Variants in NOBOX observed in about 807,000 individuals in gnomAD.
NOBOX encodes the protein homeobox protein NOBOX.
In NOBOX, 46 loss-of-function variants were observed where a neutral mutation model predicts 60.2. That is an observed-to-expected ratio of 0.76 (90% CI 0.60 to 0.98). NOBOX has a LOEUF of 0.98. Ranked by LOEUF, NOBOX falls within the 50% of genes least tolerant of loss-of-function variation. The pLI, the probability that NOBOX is intolerant of heterozygous loss-of-function variation, is 0.00. For synonymous variants in NOBOX, 360 were observed against 346.3 expected, an observed-to-expected ratio of 1.04 and a Z score of -0.44; for missense variants, 880 against 865.5, an observed-to-expected ratio of 1.02 and a Z score of -0.21.
At chr7:144,406,822 G>A (rs1208173) in intron 1 of NOBOX, among the ~76,000 whole-genome samples, 1 of 151,904 alleles carries the variant, frequency 6.6e-6, no homozygotes, top group Admixed American at 6.5e-5. Flanking sequence ...GTTAAAATAC[G>A]GGCTAGAGCA....
At chr7:144,400,436 C>G in intron 4 of NOBOX, 124 bp from the exon 3 acceptor site, 1 of 809,824 alleles carries the variant, frequency 1.2e-6, no homozygotes, top group Non-Finnish European at 2.0e-6. Flanking sequence ...AACACTTTCC[C>G]AAAGCCTTTT....
intron 2 of NOBOX, 54 bp downstream of exon 1, chr7:144,403,603 C>CT: frequency 1.5e-6 from 1 of 684,376 alleles, no homozygotes; most frequent in South Asian, 1.5e-5. Flanking sequence ...GCCTCCCCCC[C>CT]TCCCCGAACC....
intron 2 of NOBOX, among the ~76,000 whole-genome samples, chr7:144,404,043 C>T (rs2053965479): frequency 6.6e-6 from 1 of 152,102 alleles, no homozygotes; most frequent in Admixed American, 6.5e-5. Context: ...ACCCGGTGGT[C>T]TTCGGGGGGC....
At position 144,401,897 on chromosome 7, in the gene NOBOX, C is replaced by G. The variant is rs1176663365; in HGVS notation, c.264G>C (p.Leu88=). 6.2e-7 allele frequency: 1 copy of G among 1,612,496 alleles called. No homozygotes were observed. Among genetic ancestry groups the G allele is most frequent in the Non-Finnish European group, 8.5e-7 (1 of 1,178,730 alleles). Residue 88 remains leucine (L), a synonymous_variant, in exon 3 of 10, where the codon CTG becomes CTC. Transcript: ENST00000467773. This position sits in a 1 kb window ranked among gnomAD's most constrained non-coding sequence, Gnocchi z 4.2. The stretch of plus-strand genomic sequence containing the variant: ...TTGTGAGTTCCCTTTTCCCAGACAC[C>G]AGGGGTATGAGTTTGAGGGACTGTT...
chr7:144,403,802 G>A (rs1231612654), intron 2 of NOBOX, 109 bp from the exon 1 acceptor site: 20 of 455,228 alleles, frequency 4.4e-5, no homozygotes, highest in African/African-American at 3.4e-4. Context: ...CGGGCCGGGG[G>A]AGCCGTAGCC....
At chr7:144,399,275 C>T in intron 7 of NOBOX, 97 bp from the exon 6 acceptor site, 1 of 953,232 alleles carries the variant, frequency 1.0e-6, no homozygotes. Flanking sequence ...CCAGGTCCCC[C>T]TGAATAGGCC....
chr7:144,397,260 T>G lies in NOBOX; in HGVS notation c.2056A>C (p.Lys686Gln), dbSNP rs976730484. 9.8e-6 allele frequency: 15 copies of G among 1,533,206 alleles called. No individual in the cohort carries two copies. The African/African-American group carries it at 2.1e-4, about 21-fold the overall frequency. 95.0% of individuals were successfully genotyped at this position (1,533,206 alleles called of 1,614,324 possible). A position where few individuals can be genotyped will look rare whatever the true frequency, so the allele number is the denominator to read the frequency against. Residue 686 changes from lysine (K) to glutamine (Q), a missense_variant, in exon 10 of 10, where the codon AAG becomes CAG. Transcript: ENST00000467773. ...CCCAACTAGGGGACATGGCTATTCT[T>G]GTCATCCCCTCTGGCCTCCTCCAGT...
chr7:144,409,833 T>C (rs1379510356), intron 1 of NOBOX, among the ~76,000 whole-genome samples: 1 of 152,152 alleles, frequency 6.6e-6, no homozygotes, highest in African/African-American at 2.4e-5. Flanking sequence ...GGCTGGCAAG[T>C]GGATAGCTAA....
rs908525914 is a variant in NOBOX at position 144,397,280 on chromosome 7, T to A, written c.2036A>T (p.Glu679Val). 1 of 1,537,132 alleles carries A rather than the reference T, an allele frequency of 6.5e-7. No homozygotes were observed. Among genetic ancestry groups the A allele is most frequent in the African/African-American group, 1.4e-5 (1 of 73,168 alleles). The change falls in exon 10 of 10, where the codon GAG becomes GTG. Residue 679 changes from glutamate to valine, a missense_variant. Transcript: ENST00000467773. ...ATTCTTGTCATCCCCTCTGGCCTCC[T>A]CCAGTGCTGAGGGCTGATCCAGGGA...
At chr7:144,407,158 A>T (rs369611576) in intron 1 of NOBOX, among the ~76,000 whole-genome samples, 1 of 150,170 alleles carries the variant, frequency 6.7e-6, no homozygotes, top group Non-Finnish European at 1.5e-5. Flanking sequence ...TAAAAAAAAA[A>T]GTAGTTAATT....
intron 1 of NOBOX, among the ~76,000 whole-genome samples, chr7:144,405,318 G>A (rs568158022): frequency 6.6e-6 from 1 of 152,176 alleles, no homozygotes; most frequent in Non-Finnish European, 1.5e-5. Flanking sequence ...AGGATCATTT[G>A]ATGGTGAAAA....
intron 8 of NOBOX, 26 bp from the exon 7 acceptor site, chr7:144,398,612 G>A: frequency 1.3e-6 from 2 of 1,513,358 alleles, no homozygotes; most frequent in Non-Finnish European, 1.8e-6. Context: ...AACAGCTGGT[G>A]AGGTGCAGGG....
chr7:144,404,506 C>T, intron 2 of NOBOX: 1 of 1,545,606 alleles, frequency 6.5e-7, no homozygotes, highest in East Asian at 2.3e-5. Context: ...GCCTGGGCTT[C>T]CCAAACTGCT....
intron 5 of NOBOX, 155 bp from the exon 4 acceptor site, chr7:144,400,018 G>T: frequency 7.1e-7 from 1 of 1,409,894 alleles, no homozygotes; most frequent in Non-Finnish European, 9.8e-7. Context: ...AAAAGTCTCT[G>T]CAGTGCCTTC....
chr7:144,403,507 T>TC, intron 2 of NOBOX, 150 bp downstream of exon 1: 1 of 476,222 alleles, frequency 2.1e-6, no homozygotes, highest in Non-Finnish European at 3.8e-6. Context: ...GAGGTCGGCC[T>TC]CCTCCCACCC....
chr7:144,403,306 T>C (rs1244658746), intron 2 of NOBOX, among the ~76,000 whole-genome samples: 2 of 152,092 alleles, frequency 1.3e-5, no homozygotes, highest in Non-Finnish European at 2.9e-5. Flanking sequence ...CCCAGCACTG[T>C]GGGTGCTCCG....
At position 144,400,167 on chromosome 7, in the gene NOBOX, G is replaced by A. The variant is rs150199191; in HGVS notation, c.990C>T (p.Gly330=). 6.1e-5 allele frequency: 98 copies of A among 1,613,952 alleles called. No homozygotes were observed. The highest frequency in any genetic ancestry group is 5.5e-4 in the African/African-American group (41 of 75,058). Residue 330 remains glycine (G), a synonymous_variant, in exon 5 of 10, where the codon GGC becomes GGT. Coordinates refer to ENST00000467773, the MANE Select transcript of NOBOX (RefSeq NM_001080413.3). ...CGAGTGTTTCAATGGTGGGCCCTCC[G>A]CCACTCCACCCTGCCACCAGTGAGC...
chr7:144,399,903 G>T (rs781237704), intron 5 of NOBOX, 40 bp from the exon 4 acceptor site: 1 of 1,521,508 alleles, frequency 6.6e-7, no homozygotes, highest in Non-Finnish European at 9.1e-7. Flanking sequence ...GAGAAGAGGG[G>T]CAGAGACTGA....
At chr7:144,406,329 G>A (rs2053985326) in intron 1 of NOBOX, among the ~76,000 whole-genome samples, 1 of 152,112 alleles carries the variant, frequency 6.6e-6, no homozygotes, top group South Asian at 2.1e-4. Flanking sequence ...AGGCCAAGGT[G>A]GGCAGATCAC....
Sources: gnomAD v4.1 joint callset for allele counts (sites outside exome capture counted in the v4.1 genomes callset) on GRCh38, gnomAD v4.1.1 for gene constraint, Gnocchi (gnomAD v3.1) non-coding constraint, MANE v1.5 for transcripts, NCBI Gene and HGNC (gene_info 2026-07-23, HGNC 2026-07-21) for gene names.